Variants in WWP2 observed in about 807,000 individuals in gnomAD.
WWP2 encodes the protein NEDD4-like E3 ubiquitin-protein ligase WWP2.
WWP2 carries 57 observed loss-of-function variants against 121.0 expected under a neutral mutation model. The observed-to-expected ratio is 0.47, with a 90% CI of 0.38 to 0.59. The LOEUF is 0.59. Among genes scored for constraint, WWP2 ranks in the 20% least tolerant of loss-of-function variants. The pLI is 0.00. For missense variants in WWP2, 962 were observed against 1,158.9 expected (o/e 0.83, Z 2.47); for synonymous variants, 449 against 441.3 (o/e 1.02, Z -0.22).
At chr16:69,914,757 A>G (rs762574554) in intron 9 of WWP2, among the ~76,000 whole-genome samples, 23 of 152,196 alleles carry the variant, frequency 1.5e-4, no homozygotes, top group Non-Finnish European at 2.9e-4. Context: ...CCCTGTCTCA[A>G]AGAAACAAAA....
chr16:69,823,476 T>TG (rs1488775045), intron 4 of WWP2, among the ~76,000 whole-genome samples: 7 of 141,084 alleles, frequency 5.0e-5, no homozygotes, highest in African/African-American at 1.9e-4. Flanking sequence ...TTTTCTTGTG[T>TG]TTTTTTTTTT....
chr16:69,781,371 G>A (rs1389803069), intron 1 of WWP2, among the ~76,000 whole-genome samples: 2 of 151,992 alleles, frequency 1.3e-5, no homozygotes. Flanking sequence ...TTTCAAACAG[G>A]GTCTCACTGT....
intron 4 of WWP2, among the ~76,000 whole-genome samples, chr16:69,803,245 A>G (rs1400894766): frequency 6.6e-6 from 1 of 151,912 alleles, no homozygotes; most frequent in African/African-American, 2.4e-5. Context: ...TTTAAAGTAT[A>G]TTCTAGACGT....
At chr16:69,838,519 C>G (rs1282738419) in intron 4 of WWP2, among the ~76,000 whole-genome samples, 1 of 151,558 alleles carries the variant, frequency 6.6e-6, no homozygotes, top group Non-Finnish European at 1.5e-5. Flanking sequence ...GATTTGGCAG[C>G]AGCTTAGCTG....
intron 12 of WWP2, among the ~76,000 whole-genome samples, chr16:69,929,791 T>C (rs2058687233): frequency 6.6e-6 from 1 of 152,220 alleles, no homozygotes; most frequent in Admixed American, 6.5e-5. Context: ...CTGATTGTGC[T>C]GGCTGCTGAT....
At chr16:69,838,342 T>C (rs2056913499) in intron 4 of WWP2, among the ~76,000 whole-genome samples, 8 of 151,254 alleles carry the variant, frequency 5.3e-5, no homozygotes, top group Admixed American at 5.3e-4. Flanking sequence ...AAACTCGGAG[T>C]GCCTGACCAC....
chr16:69,858,165 A>T lies in WWP2; in HGVS notation c.576-13639A>T, dbSNP rs1166052894. Among the ~76,000 whole-genome samples, 3 of 152,098 alleles carry T rather than the reference A, an allele frequency of 2.0e-5. No homozygotes were observed. In the East Asian group the frequency reaches 5.8e-4, roughly 29 times the overall value. On this transcript the variant is annotated intron_variant, in intron 6 of 23. Coordinates refer to ENST00000359154, the MANE Select transcript of WWP2 (RefSeq NM_001270454.2). The stretch of plus-strand genomic sequence containing the variant: ...AATAAAGTTATACATTTTTCTTTAC[A>T]CTTAGAAAAAGGATGATGAATTGGA...
chr16:69,895,767 A>G lies in WWP2; in HGVS notation c.914+7518A>G, dbSNP rs192456117. On this transcript the variant is annotated intron_variant, in intron 8 of 23. Transcript: ENST00000359154. ...TGAGTGAGACCCTGTCTCAGTTAAA[A>G]GAAAAAAAAGTTTCTAAGTGCTTAG... Among the ~76,000 whole-genome samples, 18 of 152,334 alleles carry G rather than the reference A, an allele frequency of 1.2e-4. 1 individual carries two copies. The East Asian group carries it at 3.3e-3, about 28-fold the overall frequency.
At chr16:69,929,420 A>T in intron 11 of WWP2, 28 bp from the exon 12 acceptor site, 1 of 1,604,412 alleles carries the variant, frequency 6.2e-7, no homozygotes, top group Non-Finnish European at 8.5e-7. Context: ...TTTGAATCTG[A>T]TGTTCTTTCT....
chr16:69,784,204 A>G (rs968797612), intron 1 of WWP2, among the ~76,000 whole-genome samples: 2 of 143,692 alleles, frequency 1.4e-5, no homozygotes, highest in African/African-American at 5.2e-5. Flanking sequence ...GGTTCCAGCA[A>G]TTCTCCTGCC....
chr16:69,792,481 T>C (rs2055934256), intron 2 of WWP2, among the ~76,000 whole-genome samples: 1 of 152,220 alleles, frequency 6.6e-6, no homozygotes, highest in Non-Finnish European at 1.5e-5. Context: ...TGAAAGAGAC[T>C]TTCTAGATAA....
At chr16:69,854,571 G>C (rs986208172) in intron 6 of WWP2, among the ~76,000 whole-genome samples, 2 of 151,634 alleles carry the variant, frequency 1.3e-5, no homozygotes, top group African/African-American at 4.9e-5. Context: ...TTATTTTTGA[G>C]ATGGAATCTT....
At chr16:69,865,852 A>G (rs575722443) in intron 6 of WWP2, among the ~76,000 whole-genome samples, 1 of 152,324 alleles carries the variant, frequency 6.6e-6, no homozygotes, top group South Asian at 2.1e-4. Flanking sequence ...GAACCACACC[A>G]TAGTCAGTGG....
intron 6 of WWP2, among the ~76,000 whole-genome samples, chr16:69,860,866 CA>C (rs1314580940): frequency 1.3e-5 from 2 of 150,714 alleles, no homozygotes; most frequent in African/African-American, 4.9e-5. Flanking sequence ...AAAGAAAGAA[CA>C]CTCTAATATA....
Position 69,934,052 on chromosome 16 carries a change from C to T in WWP2, c.1765C>T (p.Leu589=), listed in dbSNP as rs1295312095. Residue 589 remains leucine (L), a synonymous_variant, in exon 17 of 24, where the codon CTG becomes TTG. Coordinates refer to ENST00000359154, the MANE Select transcript of WWP2 (RefSeq NM_001270454.2). ...ATATGCCGGAAAGAACAATTACTGCCTGCAGATCAACCCCGCCTCCTCCAT... is the reference window on the plus strand; with the variant it reads ...ATATGCCGGAAAGAACAATTACTGCTTGCAGATCAACCCCGCCTCCTCCAT... The part of the protein sequence containing the change: ...FEYAGKNNYC[L]QINPASSINP... 2.5e-6 allele frequency: 4 copies of T among 1,614,072 alleles called. No individual in the cohort carries two copies. Among genetic ancestry groups the T allele is most frequent in the Non-Finnish European group, 3.4e-6 (4 of 1,180,038 alleles).
rs970416599 is a variant in WWP2 at position 69,940,072 on chromosome 16, C to T, written c.*132C>T. The T allele has an allele frequency of 1.4e-5, 10 of 705,516 alleles. No homozygotes were observed. Among genetic ancestry groups the T allele is most frequent in the South Asian group, 6.0e-5 (3 of 50,052 alleles). The allele number at this position is 705,516 out of a possible 1,614,324, so 43.7% of individuals were successfully genotyped here. ...CCTGTGTGGGACCACACTGTCATCT[C>T]GCTGCTGGCAGAAAAGCCTGATCCC... On this transcript the variant is annotated 3_prime_UTR_variant, in exon 24 of 24. Coordinates refer to ENST00000359154, the MANE Select transcript of WWP2 (RefSeq NM_001270454.2).
At chr16:69,933,206 G>T in intron 16 of WWP2, 1 of 458,320 alleles carries the variant, frequency 2.2e-6, no homozygotes. Context: ...CTCCTCGTCT[G>T]CCCAGCCACA....
At chr16:69,815,215 C>T (rs2056466566) in intron 4 of WWP2, among the ~76,000 whole-genome samples, 1 of 152,068 alleles carries the variant, frequency 6.6e-6, no homozygotes, top group African/African-American at 2.4e-5. Flanking sequence ...GTTGGCCAGG[C>T]TAGTCTCAAA....
chr16:69,797,977 C>T (rs2151811751), intron 2 of WWP2, among the ~76,000 whole-genome samples: 1 of 152,264 alleles, frequency 6.6e-6, no homozygotes, highest in South Asian at 2.1e-4. Context: ...CTTGGCCTCC[C>T]AAAGTGCTGG....
Sources: allele counts gnomAD v4.1 joint callset (sites outside exome capture counted in the v4.1 genomes callset), GRCh38; gene constraint gnomAD v4.1.1; transcripts MANE v1.5; gene names NCBI Gene and HGNC (gene_info 2026-07-23, HGNC 2026-07-21).